FAM120C: variants seen among roughly 807,000 people sequenced by gnomAD.
FAM120C encodes family with sequence similarity 120 member C.
FAM120C carries 14 observed loss-of-function variants against 71.2 expected under a neutral mutation model. The ratio of observed to expected loss-of-function variants is 0.20; its 90% CI spans 0.13 to 0.31. FAM120C has a LOEUF of 0.31. FAM120C is among the 10% of genes least tolerant of loss of function. FAM120C has a pLI of 1.00. For synonymous variants in FAM120C, 354 were observed against 353.2 expected, an observed-to-expected ratio of 1.00 and a Z score of -0.03; for missense variants, 500 against 879.0, an observed-to-expected ratio of 0.57 and a Z score of 5.45.
intron 13 of FAM120C, among the ~76,000 whole-genome samples, chrX:54,083,453 A>G (rs1189880181): frequency 1.9e-5 from 2 of 105,439 alleles, no homozygotes; most frequent in Non-Finnish European, 3.9e-5. Flanking sequence ...ACACACACAC[A>G]CACACACACA....
chrX:54,095,286 T>C (rs2066844907), intron 10 of FAM120C, among the ~76,000 whole-genome samples: 1 of 110,119 alleles, frequency 9.1e-6, no homozygotes, highest in African/African-American at 3.3e-5. Flanking sequence ...CTATTTCTCA[T>C]GCCAGCACCA....
intron 10 of FAM120C, among the ~76,000 whole-genome samples, chrX:54,105,398 G>A (rs1310336469): frequency 9.0e-6 from 1 of 111,435 alleles, no homozygotes; most frequent in Non-Finnish European, 1.9e-5. Flanking sequence ...AGGTATTGAT[G>A]GAACGTATCT....
intron 9 of FAM120C, 144 bp from the exon 10 acceptor site, chrX:54,116,938 G>A: frequency 2.9e-6 from 2 of 693,809 alleles, no homozygotes; most frequent in Non-Finnish European, 4.2e-6. Context: ...AGCAGGAATA[G>A]TACACGTTTA....
intron 10 of FAM120C, among the ~76,000 whole-genome samples, chrX:54,097,805 C>T (rs1432541864): frequency 1.8e-5 from 2 of 110,850 alleles, no homozygotes; most frequent in Non-Finnish European, 3.8e-5. Flanking sequence ...CGGCTCACTG[C>T]AAGCTCCACC....
chrX:54,168,043 G>C (rs1035922785), intron 1 of FAM120C, among the ~76,000 whole-genome samples: 4 of 111,342 alleles, frequency 3.6e-5, no homozygotes, highest in African/African-American at 6.5e-5. Flanking sequence ...ACCATAGGTA[G>C]TCTAAAGAAG....
At chrX:54,148,205 A>G (rs904221424) in intron 4 of FAM120C, among the ~76,000 whole-genome samples, 4 of 111,260 alleles carry the variant, frequency 3.6e-5, no homozygotes, top group Admixed American at 1.9e-4. Context: ...TGCAAACCAG[A>G]TATCTGTCAG....
intron 10 of FAM120C, among the ~76,000 whole-genome samples, chrX:54,114,974 G>C (rs1557126429): frequency 2.7e-5 from 3 of 109,346 alleles, no homozygotes; most frequent in Non-Finnish European, 5.7e-5. Context: ...GTCCAGGCTG[G>C]TCTTGAACTC....
chrX:54,142,416 A>T (rs782793126), intron 4 of FAM120C, among the ~76,000 whole-genome samples: 1 of 112,425 alleles, frequency 8.9e-6, no homozygotes, highest in East Asian at 2.8e-4. Context: ...CAAATGGCAC[A>T]CCAGGAGATT....
rs782125239 is a variant in FAM120C, at chrX:54,161,820, C to T, written c.700-2204G>A. Among the ~76,000 whole-genome samples the T allele has an allele frequency of 6.3e-5, 7 of 111,847 alleles. No individual in the cohort carries two copies. The East Asian group carries it at 1.7e-3, about 27-fold the overall frequency. Reference sequence around the variant, plus strand: ...CTAATTTTTGTATTTTTAGTAGAGACGGGGTTTCACCATGTTGGCCAGGCT... The same window carrying T: ...CTAATTTTTGTATTTTTAGTAGAGATGGGGTTTCACCATGTTGGCCAGGCT... On this transcript the variant is annotated intron_variant, in intron 1 of 15. Coordinates refer to ENST00000375180, the MANE Select transcript of FAM120C (RefSeq NM_017848.6).
intron 10 of FAM120C, among the ~76,000 whole-genome samples, chrX:54,107,640 C>A (rs782724393): frequency 6.6e-5 from 7 of 105,373 alleles, no homozygotes; most frequent in Admixed American, 5.3e-4. Flanking sequence ...CTGCCTCAGC[C>A]CCCTGAGTAG....
At chrX:54,157,565 A>G in intron 3 of FAM120C, 124 bp downstream of exon 3, 1 of 527,496 alleles carries the variant, frequency 1.9e-6, no homozygotes, top group Non-Finnish European at 3.1e-6. Flanking sequence ...GCCATAACTA[A>G]TATTTTTTTC....
intron 10 of FAM120C, among the ~76,000 whole-genome samples, chrX:54,100,033 G>A (rs1438350382): frequency 8.9e-6 from 1 of 112,055 alleles, no homozygotes; most frequent in Non-Finnish European, 1.9e-5. Context: ...ACTCTCATCT[G>A]TGAGCCTGTG....
chrX:54,140,637 GAAAAGA>G (rs1214866725), intron 4 of FAM120C, among the ~76,000 whole-genome samples: 4 of 103,796 alleles, frequency 3.9e-5, no homozygotes, highest in Admixed American at 3.1e-4. Flanking sequence ...AAAAAAAAAA[GAAAAGA>G]AAAAGAAAAA....
At chrX:54,157,317 C>T (rs782692404) in intron 3 of FAM120C, among the ~76,000 whole-genome samples, 189 of 110,651 alleles carry the variant, frequency 1.7e-3, no homozygotes, top group African/African-American at 5.4e-3. Flanking sequence ...TGCAGTGGCA[C>T]GATCTTGGCT....
Position 54,082,839 on chromosome X carries a change from C to T in FAM120C, c.2840-1379G>A, listed in dbSNP as rs189610110. On this transcript the variant is annotated intron_variant, in intron 13 of 15. Transcript: ENST00000375180. ...TTATAATTAAAAAGCAAGAATAGGC[C>T]GGGCATGGTAGCTCACACCTGTTAT... Among the ~76,000 whole-genome samples the T allele has an allele frequency of 6.9e-4, 76 of 110,270 alleles. 1 individual carries two copies. The highest frequency in any genetic ancestry group is 6.3e-3 in the Admixed American group (65 of 10,286).
chrX:54,127,212 G>A (rs145859579), intron 9 of FAM120C, among the ~76,000 whole-genome samples: 3 of 110,840 alleles, frequency 2.7e-5, no homozygotes, highest in African/African-American at 6.6e-5. Context: ...TAAGAATTGC[G>A]GGGGACAGGA....
chrX:54,159,085 A>G (rs782388825), intron 2 of FAM120C, among the ~76,000 whole-genome samples: 1 of 111,789 alleles, frequency 8.9e-6, no homozygotes, highest in Admixed American at 9.6e-5. Flanking sequence ...GCTTGAGAAT[A>G]CTCTGCATAA....
At chrX:54,164,770 C>T (rs1557134907) in intron 1 of FAM120C, among the ~76,000 whole-genome samples, 1 of 111,848 alleles carries the variant, frequency 8.9e-6, no homozygotes, top group Non-Finnish European at 1.9e-5. Flanking sequence ...TAGATATATA[C>T]TCAGAAGTGG....
intron 1 of FAM120C, among the ~76,000 whole-genome samples, chrX:54,160,464 C>G (rs2067230758): frequency 9.0e-6 from 1 of 110,983 alleles, no homozygotes; most frequent in Admixed American, 9.7e-5. Flanking sequence ...GCTGATCTCA[C>G]TCCGGAATGC....
Sources: allele counts gnomAD v4.1 joint callset (sites outside exome capture counted in the v4.1 genomes callset), GRCh38; gene constraint gnomAD v4.1.1; transcripts MANE v1.5; gene names NCBI Gene and HGNC (gene_info 2026-07-23, HGNC 2026-07-21).